Variants in DST observed in about 807,000 individuals in gnomAD.
The protein encoded by DST is dystonin.
In DST, 253 loss-of-function variants were observed where a neutral mutation model predicts 875.2. That is an observed-to-expected ratio of 0.29 (90% confidence interval 0.26 to 0.32). The LOEUF is 0.32. Among genes scored for constraint, DST ranks in the 10% least tolerant of loss-of-function variants. The pLI is 1.00. For synonymous variants in DST, 3,124 were observed against 3,197.1 expected (o/e 0.98, Z 0.77); for missense variants, 8,287 against 9,111.6 (o/e 0.91, Z 3.68).
intron 2 of DST, among the ~76,000 whole-genome samples, chr6:56,922,396 T>C (rs1003281499): frequency 3.9e-5 from 6 of 152,178 alleles, no homozygotes; most frequent in Non-Finnish European, 8.8e-5. Context: ...CTCAGAACTA[T>C]GGCATACTAT....
intron 5 of DST, among the ~76,000 whole-genome samples, chr6:56,724,944 T>A (rs1412171192): frequency 2.0e-5 from 3 of 151,666 alleles, no homozygotes; most frequent in African/African-American, 7.3e-5. Context: ...GGTCTATAGA[T>A]ATAAAGATAT....
chr6:56,725,166 T>C (rs1439923861), intron 5 of DST, among the ~76,000 whole-genome samples: 1 of 151,988 alleles, frequency 6.6e-6, no homozygotes, highest in Non-Finnish European at 1.5e-5. Context: ...CAGTCCAGAG[T>C]CTGTGCTTTT....
intron 55 of DST, among the ~76,000 whole-genome samples, chr6:56,564,076 T>C (rs1268729520): frequency 1.3e-5 from 2 of 152,218 alleles, no homozygotes; most frequent in Non-Finnish European, 2.9e-5. Context: ...TTTGGTTCCA[T>C]ATGAAATTTA....
intron 5 of DST, among the ~76,000 whole-genome samples, chr6:56,729,391 G>T (rs1183664894): frequency 6.6e-6 from 1 of 152,086 alleles, no homozygotes; most frequent in Non-Finnish European, 1.5e-5. Context: ...AGGAGTTCGA[G>T]ACCAGCCTGA....
chr6:56,797,372 A>C (rs930913971), intron 4 of DST, among the ~76,000 whole-genome samples: 3 of 152,190 alleles, frequency 2.0e-5, no homozygotes, highest in Non-Finnish European at 4.4e-5. Context: ...CTATGTGTTC[A>C]AGTGAAAGGA....
chr6:56,573,187 A>G (rs1429854474), intron 51 of DST, 123 bp from the exon 52 acceptor site: 11 of 830,596 alleles, frequency 1.3e-5, no homozygotes, highest in Admixed American at 3.1e-5. Context: ...GAAGGTTAAC[A>G]GTTGAAACTG....
At chr6:56,513,232 CT>C (rs5876513) in intron 72 of DST, among the ~76,000 whole-genome samples, 4,117 of 142,008 alleles carry the variant, frequency 0.029, 71 homozygotes, top group Non-Finnish European at 0.044. Context: ...TGAGAGGAGC[CT>C]TTTTTTTTTT....
intron 3 of DST, among the ~76,000 whole-genome samples, chr6:56,888,373 A>T (rs1785669117): frequency 6.6e-6 from 1 of 152,208 alleles, no homozygotes; most frequent in African/African-American, 2.4e-5. Flanking sequence ...GATAATTAGC[A>T]AAAGAAATTT....
chr6:56,573,045 G>A lies in DST; in HGVS notation c.13256C>T (p.Ala4419Val). 1.7e-5 allele frequency: 27 copies of A among 1,576,234 alleles called. No homozygotes were observed. The highest frequency in any genetic ancestry group is 2.3e-5 in the Non-Finnish European group (27 of 1,162,520). The change falls in exon 52 of 104, where the codon GCA becomes GTA. Residue 4419 changes from alanine (A) to valine (V), a missense_variant. Transcript: ENST00000680361. The part of the protein sequence containing the change: ...SKNIMLEQDI[A>V]GRQSSINAMN... ...GGCATTTATACTGCTCTGACGACCT[G>A]CAATATCCTGTTCCAACATCTAAAA...
At chr6:56,546,514 T>C (rs2097231029) in intron 61 of DST, among the ~76,000 whole-genome samples, 1 of 150,186 alleles carries the variant, frequency 6.7e-6, no homozygotes, top group Non-Finnish European at 1.5e-5. Flanking sequence ...ATACTTTTCA[T>C]ATTAAAATAC....
At chr6:56,469,760 A>T in intron 97 of DST, 123 bp downstream of exon 97, 1 of 805,990 alleles carries the variant, frequency 1.2e-6, no homozygotes, top group Non-Finnish European at 2.1e-6. Flanking sequence ...ATATACCATT[A>T]AATTTTGACA....
At chr6:56,662,040 T>A (rs182828322) in intron 10 of DST, among the ~76,000 whole-genome samples, 17 of 152,086 alleles carry the variant, frequency 1.1e-4, no homozygotes, top group African/African-American at 3.9e-4. Context: ...CACGGGCACA[T>A]CTTTAAAAGC....
intron 5 of DST, among the ~76,000 whole-genome samples, chr6:56,707,602 C>T (rs2099346223): frequency 1.3e-5 from 2 of 152,158 alleles, no homozygotes; most frequent in Non-Finnish European, 2.9e-5. Context: ...ACTATGCCTA[C>T]ACCCTACCAG....
At chr6:56,529,156 A>C (rs2096853313) in intron 66 of DST, among the ~76,000 whole-genome samples, 1 of 152,212 alleles carries the variant, frequency 6.6e-6, no homozygotes, top group African/African-American at 2.4e-5. Context: ...TTCAGAAAAT[A>C]CTTAGGGCCC....
chr6:56,565,319 C>T (rs2097652424), intron 55 of DST, among the ~76,000 whole-genome samples: 1 of 152,016 alleles, frequency 6.6e-6, no homozygotes. Context: ...TGGGGTTTCA[C>T]CGTGTTAACC....
At chr6:56,802,982 C>T (rs572522597) in intron 4 of DST, among the ~76,000 whole-genome samples, 5 of 152,260 alleles carry the variant, frequency 3.3e-5, no homozygotes, top group Admixed American at 6.5e-5. Context: ...ACAGTACTGA[C>T]AAATAATCCA....
In DST at chr6:56,841,842, T is replaced by TAC. The variant is rs113928816; in HGVS notation, c.625+9553_625+9554dup. 3.2e-3 allele frequency among the ~76,000 whole-genome samples: 488 copies of TAC among 150,208 alleles called. 2 individuals are homozygous for TAC. Among genetic ancestry groups the TAC allele is most frequent in the Non-Finnish European group, 5.4e-3 (361 of 67,272 alleles). ...TGAGTATATTACCCACCCACCCACA[T>TAC]ACACACACACACACACACAAATGTC... On this transcript the variant is annotated intron_variant, in intron 4 of 103. Coordinates refer to ENST00000680361, the MANE Select transcript of DST (RefSeq NM_001374736.1).
At chr6:56,884,782 G>A (rs897794709) in intron 3 of DST, among the ~76,000 whole-genome samples, 4 of 151,966 alleles carry the variant, frequency 2.6e-5, no homozygotes, top group African/African-American at 4.8e-5. Flanking sequence ...AGGCTGGAGT[G>A]CAATGGCGCG....
intron 5 of DST, among the ~76,000 whole-genome samples, chr6:56,734,759 C>T (rs2099516742): frequency 6.6e-6 from 1 of 152,128 alleles, no homozygotes; most frequent in Non-Finnish European, 1.5e-5. Flanking sequence ...GCACCAATCA[C>T]TGGATTAAAT....
Sources: allele counts gnomAD v4.1 joint callset (sites outside exome capture counted in the v4.1 genomes callset), GRCh38; gene constraint gnomAD v4.1.1; transcripts MANE v1.5; gene names NCBI Gene and HGNC (gene_info 2026-07-23, HGNC 2026-07-21).